Variants in GRM8 observed in about 807,000 individuals in gnomAD.
GRM8 encodes glutamate metabotropic receptor 8.
GRM8 carries 47 observed loss-of-function variants against 87.2 expected under a neutral mutation model. The ratio of observed to expected loss-of-function variants is 0.54; its 90% CI spans 0.43 to 0.69. The LOEUF is 0.69. Among genes scored for constraint, GRM8 ranks in the 30% least tolerant of loss-of-function variants. The pLI is 0.00. For synonymous variants in GRM8, 396 were observed against 404.5 expected (o/e 0.98, Z 0.25); for missense variants, 1,019 against 1,139.2 (o/e 0.89, Z 1.52).
rs1794293284 is a variant in GRM8, at chr7:127,179,200, C to T, written c.510+63495G>A. The stretch of plus-strand genomic sequence containing the variant: ...TGGACACCAAAAGCGAGCAGGATAG[C>T]TACTCTTATATCAGACAAAACAAAC... On this transcript the variant is annotated intron_variant, in intron 2 of 10. Transcript: ENST00000339582. 2.6e-5 allele frequency among the ~76,000 whole-genome samples: 4 copies of T among 152,240 alleles called. No individual in the cohort carries two copies. The South Asian group carries it at 8.3e-4, about 32-fold the overall frequency.
chr7:126,499,461 T>G (rs1250062090), intron 9 of GRM8, among the ~76,000 whole-genome samples: 1 of 151,660 alleles, frequency 6.6e-6, no homozygotes, highest in Non-Finnish European at 1.5e-5. Flanking sequence ...ATCTTACTAC[T>G]AGGTATAGAC....
At chr7:126,977,449 A>G (rs1285124334) in intron 3 of GRM8, among the ~76,000 whole-genome samples, 2 of 152,268 alleles carry the variant, frequency 1.3e-5, no homozygotes, top group African/African-American at 4.8e-5. Context: ...TCTAAGAAAT[A>G]TGCTAAAGAG....
intron 6 of GRM8, among the ~76,000 whole-genome samples, chr7:126,783,385 C>G (rs146726288): frequency 5.6e-4 from 85 of 152,242 alleles, no homozygotes; most frequent in African/African-American, 2.0e-3. Context: ...CTTTAATATT[C>G]TGTGAAGAGC....
At chr7:126,798,043 A>G (rs1250701628) in intron 6 of GRM8, among the ~76,000 whole-genome samples, 1 of 152,138 alleles carries the variant, frequency 6.6e-6, no homozygotes, top group Non-Finnish European at 1.5e-5. Flanking sequence ...GGGCCAAATG[A>G]CATCAAGATG....
chr7:126,612,400 T>C (rs900224292), intron 7 of GRM8, among the ~76,000 whole-genome samples: 1 of 152,170 alleles, frequency 6.6e-6, no homozygotes, highest in African/African-American at 2.4e-5. Flanking sequence ...TTTTCTCTAA[T>C]TTCCCATTCT....
intron 3 of GRM8, among the ~76,000 whole-genome samples, chr7:126,960,920 C>T (rs946481998): frequency 2.0e-5 from 3 of 152,106 alleles, no homozygotes; most frequent in African/African-American, 7.2e-5. Flanking sequence ...AAGAACATTC[C>T]CACCTTCAGG....
At chr7:127,104,119 A>G (rs967719488) in intron 3 of GRM8, among the ~76,000 whole-genome samples, 1 of 152,244 alleles carries the variant, frequency 6.6e-6, no homozygotes, top group African/African-American at 2.4e-5. Context: ...ATTTACACTG[A>G]AACTTCTTAG....
At chr7:126,751,073 A>T (rs1307041164) in intron 7 of GRM8, among the ~76,000 whole-genome samples, 4 of 152,116 alleles carry the variant, frequency 2.6e-5, no homozygotes. Context: ...TAATATAGAA[A>T]TAATGCCTAG....
intron 9 of GRM8, among the ~76,000 whole-genome samples, chr7:126,523,284 A>T (rs1759856300): frequency 6.6e-6 from 1 of 152,180 alleles, no homozygotes; most frequent in Non-Finnish European, 1.5e-5. Flanking sequence ...GCGATGATTT[A>T]TACTTGAATA....
intron 9 of GRM8, among the ~76,000 whole-genome samples, chr7:126,467,497 G>C (rs1804636635): frequency 1.3e-5 from 2 of 151,788 alleles, no homozygotes; most frequent in Admixed American, 6.6e-5. Flanking sequence ...AAAATAACTA[G>C]ATTTCCTTGT....
intron 7 of GRM8, among the ~76,000 whole-genome samples, chr7:126,665,589 G>T (rs374931212): frequency 1.3e-5 from 2 of 151,934 alleles, no homozygotes. Context: ...AACAGACACT[G>T]GGGACTACTA....
intron 7 of GRM8, among the ~76,000 whole-genome samples, chr7:126,662,854 C>T (rs1046280885): frequency 6.6e-6 from 1 of 152,062 alleles, no homozygotes; most frequent in African/African-American, 2.4e-5. Context: ...TGTTGCTCTA[C>T]TTCTCATTAT....
intron 8 of GRM8, among the ~76,000 whole-genome samples, chr7:126,545,391 A>C (rs1168523208): frequency 6.6e-6 from 1 of 152,048 alleles, no homozygotes; most frequent in Non-Finnish European, 1.5e-5. Context: ...TTTGGATATC[A>C]CAGAGTGACC....
At chr7:126,938,249 C>T (rs1428691562) in intron 3 of GRM8, among the ~76,000 whole-genome samples, 2 of 152,172 alleles carry the variant, frequency 1.3e-5, no homozygotes, top group Non-Finnish European at 2.9e-5. Context: ...AGGGTGCCAC[C>T]ACTGAGCACA....
intron 2 of GRM8, among the ~76,000 whole-genome samples, chr7:127,157,038 T>A (rs150990183): frequency 6.6e-6 from 1 of 152,074 alleles, no homozygotes; most frequent in African/African-American, 2.4e-5. Context: ...TTAACAACAG[T>A]CTCAGAGGAG....
intron 2 of GRM8, among the ~76,000 whole-genome samples, chr7:127,151,146 T>C (rs1828839232): frequency 6.6e-6 from 1 of 151,958 alleles, no homozygotes; most frequent in African/African-American, 2.4e-5. Flanking sequence ...CAGGCCTCCT[T>C]AGGACAGCAC....
At chr7:127,149,927 G>A (rs534750403) in intron 2 of GRM8, among the ~76,000 whole-genome samples, 1 of 152,080 alleles carries the variant, frequency 6.6e-6, no homozygotes, top group African/African-American at 2.4e-5. Flanking sequence ...AAAATAGCAG[G>A]TATGTAGAAT....
chr7:126,894,449 A>G (rs1801348287), intron 6 of GRM8, among the ~76,000 whole-genome samples: 1 of 152,036 alleles, frequency 6.6e-6, no homozygotes, highest in Admixed American at 6.6e-5. Flanking sequence ...GGTTTTGCAG[A>G]AAGGATTTCC....
intron 9 of GRM8, among the ~76,000 whole-genome samples, chr7:126,516,333 C>G (rs572446084): frequency 5.9e-5 from 9 of 151,860 alleles, no homozygotes; most frequent in Non-Finnish European, 1.0e-4. Context: ...CAACCCTATC[C>G]TAGGAAACCC....
Sources: allele counts gnomAD v4.1 joint callset (sites outside exome capture counted in the v4.1 genomes callset), GRCh38; gene constraint gnomAD v4.1.1; transcripts MANE v1.5; gene names NCBI Gene and HGNC (gene_info 2026-07-23, HGNC 2026-07-21).